The following CCDC73 variants were observed in gnomAD, a reference collection of about 807,000 sequenced individuals.
CCDC73 encodes coiled-coil domain containing 73.
Under a neutral mutation model 116.5 loss-of-function variants are expected in CCDC73, and 95 were observed. The ratio of observed to expected loss-of-function variants is 0.82; its 90% confidence interval spans 0.69 to 0.97. The LOEUF (loss-of-function observed/expected upper bound fraction) is 0.97. Ranked by LOEUF, CCDC73 falls within the 50% of genes least tolerant of loss-of-function variation. The pLI, the probability that CCDC73 is intolerant of heterozygous loss-of-function variation, is 0.00. For missense variants in CCDC73, 1,066 were observed against 1,206.8 expected (o/e 0.88, Z 1.73); for synonymous variants, 398 against 401.3 (o/e 0.99, Z 0.10).
chr11:32,619,806 G>A (rs1855507209), intron 14 of CCDC73, among the ~76,000 whole-genome samples: 1 of 149,684 alleles, frequency 6.7e-6, no homozygotes, highest in Admixed American at 6.7e-5. Context: ...AGGAAAAGGA[G>A]GAGGTGAAGA....
At chr11:32,626,207 A>G (rs1249890704) in intron 14 of CCDC73, among the ~76,000 whole-genome samples, 2 of 152,120 alleles carry the variant, frequency 1.3e-5, no homozygotes, top group Non-Finnish European at 2.9e-5. Flanking sequence ...GCCAAATCAT[A>G]AGTGAACTCC....
the CCDC73 span, among the ~76,000 whole-genome samples, chr11:32,812,992 T>G: frequency 6.6e-6 from 1 of 152,172 alleles, no homozygotes; most frequent in East Asian, 1.9e-4. Context: ...ATAATAACAT[T>G]TAGCATGTTT....
intron 6 of CCDC73, among the ~76,000 whole-genome samples, chr11:32,686,225 A>AC (rs1371090582): frequency 1.5e-4 from 23 of 150,930 alleles, no homozygotes; most frequent in African/African-American, 4.9e-5. Context: ...AAAAAAAAAA[A>AC]AAAAAACCAG....
intron 2 of CCDC73, among the ~76,000 whole-genome samples, chr11:32,759,175 T>G (rs1850368712): frequency 6.6e-6 from 1 of 151,820 alleles, no homozygotes; most frequent in African/African-American, 2.4e-5. Context: ...CTTATTGCAA[T>G]AGTTTTATGG....
chr11:32,654,986 A>G lies in CCDC73; in HGVS notation c.646-14T>C, dbSNP rs372333485. On this transcript the variant is annotated splice_polypyrimidine_tract_variant and intron_variant, in intron 9 of 17. Transcript: ENST00000335185. ...TTTTTTTAGTTCCTTAATAAGAAACATATCAAACAGAAAATTCAGTACACA... is the reference window on the plus strand; with the variant it reads ...TTTTTTTAGTTCCTTAATAAGAAACGTATCAAACAGAAAATTCAGTACACA... 1.9e-6 allele frequency: 3 copies of G among 1,579,066 alleles called. No individual in the cohort carries two copies. Among genetic ancestry groups the G allele is most frequent in the African/African-American group, 2.7e-5 (2 of 72,762 alleles).
At chr11:32,730,144 G>C (rs565508970) in intron 2 of CCDC73, among the ~76,000 whole-genome samples, 2 of 152,238 alleles carry the variant, frequency 1.3e-5, no homozygotes, top group East Asian at 3.9e-4. Context: ...ACTCCTTCTG[G>C]TGTCATTTTA....
At chr11:32,773,627 C>T (rs891405832) in intron 1 of CCDC73, among the ~76,000 whole-genome samples, 2 of 151,854 alleles carry the variant, frequency 1.3e-5, no homozygotes, top group African/African-American at 4.8e-5. Context: ...CAAACACACA[C>T]ACACACACAA....
intron 1 of CCDC73, among the ~76,000 whole-genome samples, chr11:32,762,242 C>A (rs1027027246): frequency 6.6e-6 from 1 of 151,994 alleles, no homozygotes; most frequent in African/African-American, 2.4e-5. Context: ...ACTAAAAATT[C>A]TAAATAAAAC....
intron 1 of CCDC73, among the ~76,000 whole-genome samples, chr11:32,788,349 T>C (rs2133404545): frequency 6.6e-6 from 1 of 152,256 alleles, no homozygotes; most frequent in Middle Eastern, 3.4e-3. Context: ...AGGAAGAGTA[T>C]CCATATACTG....
the CCDC73 span, among the ~76,000 whole-genome samples, chr11:32,808,715 A>G: frequency 6.6e-6 from 1 of 152,200 alleles, no homozygotes; most frequent in African/African-American, 2.4e-5. Flanking sequence ...CTTTTATAAG[A>G]TAAGAAATAT....
chr11:32,688,900 C>T (rs1199333355), intron 6 of CCDC73, among the ~76,000 whole-genome samples: 6 of 151,732 alleles, frequency 4.0e-5, no homozygotes, highest in African/African-American at 1.5e-4. Flanking sequence ...GACAGAAAAC[C>T]CATAGTCAGA....
rs1855894772 is a variant in CCDC73 at position 32,658,593 on chromosome 11, A to G, written c.646-3621T>C. On this transcript the variant is annotated intron_variant, in intron 9 of 17. Coordinates refer to ENST00000335185, the MANE Select transcript of CCDC73 (RefSeq NM_001008391.4). ...ATTTATCATTTCTTCTACATATACC[A>G]AGTACCTCCTGTGTGTCAGGCACAT... is the stretch of plus-strand genomic sequence containing the variant. Among the ~76,000 whole-genome samples, 3 of 152,218 alleles carry G rather than the reference A, an allele frequency of 2.0e-5. No individual in the cohort carries two copies. In the South Asian group the frequency reaches 6.2e-4, roughly 32 times the overall value.
At chr11:32,816,940 C>A in the CCDC73 span, among the ~76,000 whole-genome samples, 1 of 152,130 alleles carries the variant, frequency 6.6e-6, no homozygotes, top group Non-Finnish European at 1.5e-5. Flanking sequence ...CCTGCCACCA[C>A]GCCTGGCTAA....
intron 2 of CCDC73, among the ~76,000 whole-genome samples, chr11:32,731,359 T>G (rs941203286): frequency 3.9e-5 from 6 of 152,148 alleles, no homozygotes; most frequent in South Asian, 4.2e-4. Flanking sequence ...AGGGCATAGA[T>G]GAACAAAAGG....
intron 2 of CCDC73, among the ~76,000 whole-genome samples, chr11:32,719,428 A>G (rs1048429667): frequency 6.6e-6 from 1 of 152,220 alleles, no homozygotes; most frequent in Non-Finnish European, 1.5e-5. Context: ...CACACACAAC[A>G]AAGACAACAG....
intron 2 of CCDC73, among the ~76,000 whole-genome samples, chr11:32,754,830 T>C (rs1381730894): frequency 4.6e-5 from 7 of 151,292 alleles, no homozygotes; most frequent in African/African-American, 1.7e-4. Context: ...ATTCCAGGAA[T>C]GTCAATTAGC....
intron 1 of CCDC73, among the ~76,000 whole-genome samples, chr11:32,778,963 A>C (rs942197986): frequency 1.3e-5 from 2 of 152,192 alleles, no homozygotes; most frequent in African/African-American, 4.8e-5. Context: ...GAAGGAGCAA[A>C]TAAGCAAAGC....
At chr11:32,685,154 T>G (rs938589665) in intron 6 of CCDC73, among the ~76,000 whole-genome samples, 9 of 151,886 alleles carry the variant, frequency 5.9e-5, no homozygotes, top group South Asian at 2.1e-4. Context: ...GAGCTGATTT[T>G]ATTTTATTTT....
At position 32,611,157 on chromosome 11, in the gene CCDC73, T is replaced by C. The variant is rs779165418; in HGVS notation, c.3005A>G (p.Tyr1002Cys). The C allele has an allele frequency of 2.5e-6, 4 of 1,613,930 alleles. No homozygotes were observed. Among genetic ancestry groups the C allele is most frequent in the Admixed American group, 1.7e-5 (1 of 60,002 alleles). Reference protein sequence around the residue: ...EEKNAMAKTFYDSSFPTEHVK... With the variant: ...EEKNAMAKTFCDSSFPTEHVK... ...ATGTTCTGTGGGAAAAGAGGAATCA[T>C]AAAAAGTCTTTGCCATTGCATTCTT... Residue 1002 changes from tyrosine to cysteine, a missense_variant, in exon 17 of 18, where the codon TAT (tyrosine) becomes TGT (cysteine). Physicochemically the swap from Tyr to Cys is radical, Grantham distance 194. Coordinates refer to ENST00000335185, the MANE Select transcript of CCDC73 (RefSeq NM_001008391.4).
Sources: gnomAD v4.1 joint callset for allele counts (sites outside exome capture counted in the v4.1 genomes callset) on GRCh38, gnomAD v4.1.1 for gene constraint, MANE v1.5 for transcripts, NCBI Gene and HGNC (gene_info 2026-07-23, HGNC 2026-07-21) for gene names.